NKAIN2: variants seen among roughly 807,000 people sequenced by gnomAD.
NKAIN2 encodes sodium/potassium-transporting ATPase subunit beta-1-interacting protein 2.
Under a neutral mutation model 32.6 loss-of-function variants are expected in NKAIN2, and 14 were observed. That is an observed-to-expected ratio of 0.43 (90% confidence interval 0.28 to 0.67). The LOEUF is 0.67. Ranked by LOEUF, NKAIN2 falls within the 30% of genes least tolerant of loss-of-function variation. The pLI, the probability that NKAIN2 is intolerant of heterozygous loss-of-function variation, is 0.17. For synonymous variants in NKAIN2, 80 were observed against 87.2 expected (o/e 0.92, Z 0.46); for missense variants, 198 against 258.3 (o/e 0.77, Z 1.60).
intron 1 of NKAIN2, among the ~76,000 whole-genome samples, chr6:124,134,372 T>C (rs1196277152): frequency 6.6e-6 from 1 of 152,030 alleles, no homozygotes; most frequent in East Asian, 1.9e-4. Flanking sequence ...GGGATTATGT[T>C]AAATGGCCAA....
chr6:123,953,962 A>G (rs546111544), intron 1 of NKAIN2, among the ~76,000 whole-genome samples: 1 of 152,284 alleles, frequency 6.6e-6, no homozygotes, highest in Admixed American at 6.5e-5. Context: ...CAGCAACTAC[A>G]GGTGTGGGAG....
At chr6:124,476,397 CTGTGTG>C (rs56691516) in intron 3 of NKAIN2, among the ~76,000 whole-genome samples, 10,436 of 137,828 alleles carry the variant, frequency 0.076, 514 homozygotes, top group Middle Eastern at 0.13. Flanking sequence ...ATGTATGTGA[CTGTGTG>C]TGTGTGTGTG....
At chr6:123,934,079 A>G (rs1380711395) in intron 1 of NKAIN2, among the ~76,000 whole-genome samples, 6 of 152,176 alleles carry the variant, frequency 3.9e-5, no homozygotes, top group Admixed American at 2.6e-4. Flanking sequence ...GGGTCTAGAC[A>G]TATGTATCTG....
intron 3 of NKAIN2, among the ~76,000 whole-genome samples, chr6:124,388,533 C>T (rs187017987): frequency 2.0e-5 from 3 of 152,166 alleles, no homozygotes; most frequent in African/African-American, 7.2e-5. Context: ...TATTTCACTC[C>T]TCCCCTTCTT....
chr6:123,998,653 T>C (rs1276881112), intron 1 of NKAIN2, among the ~76,000 whole-genome samples: 2 of 151,928 alleles, frequency 1.3e-5, no homozygotes, highest in Admixed American at 6.6e-5. Flanking sequence ...TCTTGTCTTA[T>C]TATGATTCAC....
At chr6:124,016,034 C>A (rs1241689585) in intron 1 of NKAIN2, among the ~76,000 whole-genome samples, 2 of 151,278 alleles carry the variant, frequency 1.3e-5, no homozygotes, top group South Asian at 2.1e-4. Context: ...TTTTTTAATT[C>A]TTCAAAAGTA....
chr6:124,610,280 A>G (rs1402657427), intron 3 of NKAIN2, among the ~76,000 whole-genome samples: 1 of 152,222 alleles, frequency 6.6e-6, no homozygotes, highest in Non-Finnish European at 1.5e-5. Flanking sequence ...ATTATATGGT[A>G]TTATCTAGAA....
chr6:124,259,059 G>A (rs1794094005), intron 1 of NKAIN2, among the ~76,000 whole-genome samples: 1 of 152,240 alleles, frequency 6.6e-6, no homozygotes, highest in South Asian at 2.1e-4. Flanking sequence ...TTGCATGGAG[G>A]TGGTTACTGA....
intron 3 of NKAIN2, among the ~76,000 whole-genome samples, chr6:124,367,165 T>A (rs1799556018): frequency 6.6e-6 from 1 of 152,176 alleles, no homozygotes; most frequent in Admixed American, 6.6e-5. Context: ...TTTAGGTGTT[T>A]ATAAATAAGC....
At chr6:124,759,776 G>A (rs1018832292) in intron 4 of NKAIN2, among the ~76,000 whole-genome samples, 4 of 151,872 alleles carry the variant, frequency 2.6e-5, no homozygotes, top group Admixed American at 2.6e-4. Context: ...ATGCAACAGC[G>A]TTGGGAGGTG....
At chr6:124,086,316 G>T (rs898590104) in intron 1 of NKAIN2, among the ~76,000 whole-genome samples, 7 of 151,928 alleles carry the variant, frequency 4.6e-5, no homozygotes, top group Non-Finnish European at 7.4e-5. Context: ...TTCAGTAAAG[G>T]TTCAGTTGAC....
At chr6:123,853,978 G>A (rs533725227) in intron 1 of NKAIN2, among the ~76,000 whole-genome samples, 6 of 152,060 alleles carry the variant, frequency 3.9e-5, no homozygotes, top group Admixed American at 3.9e-4. Context: ...TCACCATGTT[G>A]GTCAGGCTGG....
At chr6:124,370,087 T>C (rs1436616624) in intron 3 of NKAIN2, among the ~76,000 whole-genome samples, 1 of 151,564 alleles carries the variant, frequency 6.6e-6, no homozygotes, top group African/African-American at 2.4e-5. Context: ...TCTATTCTGC[T>C]TTGCACTTAA....
intron 3 of NKAIN2, among the ~76,000 whole-genome samples, chr6:124,613,091 T>C (rs1218090256): frequency 1.3e-5 from 2 of 152,146 alleles, no homozygotes; most frequent in Non-Finnish European, 2.9e-5. Flanking sequence ...TGTTGAACAG[T>C]AGTGGAATTA....
At chr6:124,024,099 A>G (rs2114767721) in intron 1 of NKAIN2, among the ~76,000 whole-genome samples, 1 of 152,276 alleles carries the variant, frequency 6.6e-6, no homozygotes, top group East Asian at 1.9e-4. Flanking sequence ...AAGAAACTAT[A>G]TTCTGCACTT....
chr6:124,138,313 T>G (rs1786936317), intron 1 of NKAIN2, among the ~76,000 whole-genome samples: 1 of 152,124 alleles, frequency 6.6e-6, no homozygotes, highest in Admixed American at 6.6e-5. Flanking sequence ...AGAAAGGCCA[T>G]AATTTTAAAA....
At chr6:124,087,579 A>G (rs549077009) in intron 1 of NKAIN2, among the ~76,000 whole-genome samples, 2 of 152,194 alleles carry the variant, frequency 1.3e-5, no homozygotes, top group Non-Finnish European at 2.9e-5. Flanking sequence ...TGGTATGACC[A>G]TATAATGGTA....
intron 1 of NKAIN2, among the ~76,000 whole-genome samples, chr6:124,233,125 A>G (rs1339549720): frequency 6.6e-6 from 1 of 152,080 alleles, no homozygotes; most frequent in Non-Finnish European, 1.5e-5. Flanking sequence ...TATTACCACA[A>G]CAATCAAAAT....
chr6:124,269,004 G>A (rs530397118), intron 1 of NKAIN2, among the ~76,000 whole-genome samples: 54 of 152,254 alleles, frequency 3.5e-4, no homozygotes, highest in African/African-American at 1.3e-3. Flanking sequence ...ATTAATAGTA[G>A]TATGTAAAAT....
Sources: gnomAD v4.1 joint callset for allele counts (sites outside exome capture counted in the v4.1 genomes callset) on GRCh38, gnomAD v4.1.1 for gene constraint, MANE v1.5 for transcripts, NCBI Gene and HGNC (gene_info 2026-07-23, HGNC 2026-07-21) for gene names.